EYA1: variants seen among roughly 807,000 people sequenced by gnomAD.
The protein encoded by EYA1 is protein phosphatase EYA1.
Under a neutral mutation model 82.0 loss-of-function variants are expected in EYA1, and 16 were observed. The observed-to-expected ratio is 0.20, with a 90% confidence interval of 0.13 to 0.30. The LOEUF is 0.30. EYA1 is among the 10% of genes least tolerant of loss of function. EYA1 has a pLI of 1.00. For synonymous variants in EYA1, 261 were observed against 264.4 expected, an observed-to-expected ratio of 0.99 and a Z score of 0.12; for missense variants, 633 against 730.7, an observed-to-expected ratio of 0.87 and a Z score of 1.54.
In EYA1 at chr8:71,384,637, T is replaced by C. The variant is rs139959279; in HGVS notation, c.34-28126A>G. Among the ~76,000 whole-genome samples the C allele has an allele frequency of 3.1e-3, 466 of 152,370 alleles. 5 individuals carry two copies. The highest frequency in any genetic ancestry group is 0.011 in the African/African-American group (447 of 41,588). Reference sequence around the variant, plus strand: ...TCAGAACAATCAAACATTTGCTTGATAAGTATTTGTTGAATGAACAAATGA... The same window carrying C: ...TCAGAACAATCAAACATTTGCTTGACAAGTATTTGTTGAATGAACAAATGA... On this transcript the variant is annotated intron_variant, in intron 2 of 18. Coordinates refer to the EYA1 transcript ENST00000643681.
At position 71,346,016 on chromosome 8, in the gene EYA1, G is replaced by GCA. The variant is rs200890197; in HGVS notation, c.124+8765_124+8766insTG. Among the ~76,000 whole-genome samples the GCA allele has an allele frequency of 4.5e-3, 686 of 151,292 alleles. 4 individuals carry two copies. Among genetic ancestry groups the GCA allele is most frequent in the African/African-American group, 0.016 (638 of 41,140 alleles). ...AACACACACACACACGTGCACACGT[G>GCA]CGCGCACACACACACACACTCACTC... On this transcript the variant is annotated intron_variant, in intron 3 of 17. Coordinates refer to ENST00000340726, the MANE Select transcript of EYA1 (RefSeq NM_000503.6).
intron 2 of EYA1, among the ~76,000 whole-genome samples, chr8:71,436,539 A>G (rs1806026085): frequency 6.6e-6 from 1 of 152,114 alleles, no homozygotes; most frequent in East Asian, 1.9e-4. Context: ...TAAAAACTAA[A>G]TTGGCAGAGT....
intron 1 of EYA1, among the ~76,000 whole-genome samples, chr8:71,545,558 C>CTTTTTTTTTT (rs34093503): frequency 2.0e-5 from 2 of 100,322 alleles, no homozygotes; most frequent in East Asian, 3.2e-4. Context: ...TATTTTGTTC[C>CTTTTTTTTTT]TTTTTTTTTT....
intron 2 of EYA1, among the ~76,000 whole-genome samples, chr8:71,379,705 G>A (rs17786140): frequency 0.37 from 55,752 of 151,970 alleles, 11,864 homozygotes; most frequent in East Asian, 0.72. Flanking sequence ...CTACCAGACC[G>A]TCTTTATAAA....
intron 4 of EYA1, among the ~76,000 whole-genome samples, chr8:71,327,769 A>G (rs530343473): frequency 3.7e-4 from 56 of 151,890 alleles, no homozygotes; most frequent in Admixed American, 1.1e-3. Flanking sequence ...AATCACCAAC[A>G]TCAGAGTGGC....
intron 1 of EYA1, among the ~76,000 whole-genome samples, chr8:71,544,163 CTCATA>C (rs1455677234): frequency 1.3e-5 from 2 of 152,150 alleles, no homozygotes; most frequent in Non-Finnish European, 2.9e-5. Flanking sequence ...CAAAGGGCAA[CTCATA>C]TTAGAGCAAA....
chr8:71,257,430 T>C (rs566553977), intron 11 of EYA1, among the ~76,000 whole-genome samples: 5 of 152,358 alleles, frequency 3.3e-5, no homozygotes, highest in South Asian at 2.1e-4. Flanking sequence ...GGTGAAACTA[T>C]GGATTAAAAA....
At chr8:71,248,400 T>G (rs900240913) in intron 11 of EYA1, among the ~76,000 whole-genome samples, 2 of 152,234 alleles carry the variant, frequency 1.3e-5, no homozygotes, top group East Asian at 3.8e-4. Flanking sequence ...AGAATCTCTC[T>G]TATGTGCACA....
intron 2 of EYA1, among the ~76,000 whole-genome samples, chr8:71,375,578 C>T (rs1470786851): frequency 2.0e-5 from 3 of 152,122 alleles, no homozygotes; most frequent in Non-Finnish European, 2.9e-5. Flanking sequence ...GCGTTTTTCT[C>T]TGGGTAGGGG....
At chr8:71,439,080 G>C (rs927169436) in intron 2 of EYA1, among the ~76,000 whole-genome samples, 1 of 152,082 alleles carries the variant, frequency 6.6e-6, no homozygotes, top group Non-Finnish European at 1.5e-5. Context: ...TTTTGATATG[G>C]GGGGCCCTAT....
intron 2 of EYA1, among the ~76,000 whole-genome samples, chr8:71,408,086 G>A (rs1034047088): frequency 1.3e-5 from 2 of 152,034 alleles, no homozygotes; most frequent in East Asian, 3.9e-4. Flanking sequence ...TTAAAGAAAA[G>A]AATTTTCAAC....
At chr8:71,313,212 CAT>C (rs1821549415) in intron 7 of EYA1, among the ~76,000 whole-genome samples, 1 of 152,124 alleles carries the variant, frequency 6.6e-6, no homozygotes, top group African/African-American at 2.4e-5. Context: ...TTTTCGGTAT[CAT>C]GTACAAAAAG....
chr8:71,524,916 T>C (rs1813697646), intron 2 of EYA1, among the ~76,000 whole-genome samples: 1 of 152,220 alleles, frequency 6.6e-6, no homozygotes, highest in Non-Finnish European at 1.5e-5. Context: ...CAGGAAGTAT[T>C]GTTTTTGTTT....
chr8:71,273,168 T>C (rs982747702), intron 9 of EYA1, among the ~76,000 whole-genome samples: 11 of 152,198 alleles, frequency 7.2e-5, no homozygotes, highest in Admixed American at 7.2e-4. Context: ...CCTAAATAGA[T>C]TCCTATTACT....
intron 2 of EYA1, among the ~76,000 whole-genome samples, chr8:71,466,553 G>T (rs961662649): frequency 1.3e-5 from 2 of 152,088 alleles, no homozygotes; most frequent in African/African-American, 4.8e-5. Flanking sequence ...ATATCAATAA[G>T]CATGTACATA....
intron 2 of EYA1, among the ~76,000 whole-genome samples, chr8:71,472,695 C>G (rs766104170): frequency 6.6e-6 from 1 of 150,892 alleles, no homozygotes; most frequent in South Asian, 2.1e-4. Flanking sequence ...TCATCACTGA[C>G]GTACAACTCA....
intron 2 of EYA1, among the ~76,000 whole-genome samples, chr8:71,469,609 G>A (rs117911264): frequency 8.4e-4 from 128 of 152,144 alleles, no homozygotes; most frequent in Middle Eastern, 3.4e-3. Context: ...AAATATATAT[G>A]TACTATGCAG....
chr8:71,497,131 G>A (rs116398051), intron 2 of EYA1, among the ~76,000 whole-genome samples: 4,296 of 152,214 alleles, frequency 0.028, 212 homozygotes, highest in African/African-American at 0.098. Context: ...CCAATCTTTT[G>A]GCTTCCCTGG....
chr8:71,385,556 C>T (rs750991415), intron 2 of EYA1, among the ~76,000 whole-genome samples: 21 of 152,150 alleles, frequency 1.4e-4, no homozygotes, highest in Non-Finnish European at 2.9e-4. Flanking sequence ...CACTTTCCCA[C>T]AAGTATCTCA....
Sources: allele counts gnomAD v4.1 joint callset (sites outside exome capture counted in the v4.1 genomes callset), GRCh38; gene constraint gnomAD v4.1.1; transcripts MANE v1.5; gene names NCBI Gene and HGNC (gene_info 2026-07-23, HGNC 2026-07-21).